The following LINGO2 variants were observed in gnomAD, a reference collection of about 807,000 sequenced individuals.
The protein encoded by LINGO2 is leucine rich repeat and Ig domain containing 2, also known as leucine-rich repeat and immunoglobulin-like domain-containing nogo receptor-interacting protein 2.
A neutral mutation model predicts 30.6 loss-of-function variants in LINGO2; 14 were observed. The ratio of observed to expected loss-of-function variants is 0.46; its 90% CI spans 0.30 to 0.72. The LOEUF (loss-of-function observed/expected upper bound fraction) is 0.72. LINGO2 is among the 30% of genes least tolerant of loss of function. The pLI, the probability that LINGO2 is intolerant of heterozygous loss-of-function variation, is 0.07. For missense variants in LINGO2, 729 were observed against 751.7 expected, an observed-to-expected ratio of 0.97 and a Z score of 0.35; for synonymous variants, 317 against 288.5, an observed-to-expected ratio of 1.10 and a Z score of -1.00.
chr9:28,825,364 T>C, the LINGO2 span, among the ~76,000 whole-genome samples: 6 of 151,604 alleles, frequency 4.0e-5, no homozygotes, highest in African/African-American at 1.5e-4. Flanking sequence ...AGAGTGGTAA[T>C]TGGAAGTCTG....
chr9:28,517,804 G>T (rs1820679856), intron 1 of LINGO2, among the ~76,000 whole-genome samples: 1 of 152,108 alleles, frequency 6.6e-6, no homozygotes. Flanking sequence ...ACTCTACCCA[G>T]AAGCCTATTT....
At chr9:28,869,128 A>G in the LINGO2 span, among the ~76,000 whole-genome samples, 2 of 152,094 alleles carry the variant, frequency 1.3e-5, no homozygotes, top group East Asian at 1.9e-4. Context: ...TTTGATAAAC[A>G]TCTAATTATC....
At chr9:28,349,224 CA>C (rs1290167176) in intron 3 of LINGO2, among the ~76,000 whole-genome samples, 1 of 151,428 alleles carries the variant, frequency 6.6e-6, no homozygotes, top group African/African-American at 2.4e-5. Flanking sequence ...ACATTCAAAC[CA>C]AAGGCAAAGA....
intron 2 of LINGO2, among the ~76,000 whole-genome samples, chr9:28,395,596 T>C (rs1298922794): frequency 6.6e-6 from 1 of 152,144 alleles, no homozygotes; most frequent in Non-Finnish European, 1.5e-5. Flanking sequence ...CATATACCCA[T>C]ATGGCAAGTT....
chr9:29,029,818 A>T, the LINGO2 span, among the ~76,000 whole-genome samples: 1 of 152,076 alleles, frequency 6.6e-6, no homozygotes, highest in Non-Finnish European at 1.5e-5. Flanking sequence ...TTCTCAAAGA[A>T]TATGCCATTT....
rs1823871268 is a variant in LINGO2 at position 28,035,177 on chromosome 9, T to C, written c.-86-22772A>G. Among the ~76,000 whole-genome samples the C allele has an allele frequency of 2.0e-5, 3 of 152,266 alleles. No homozygotes were observed. The South Asian group carries it at 6.2e-4, about 31-fold the overall frequency. ...TGGTACCATGGTCTGGAGTTGCTTT[T>C]ATTTTCCTAGCTTTTGTCAGCATAC... On this transcript the variant is annotated intron_variant, in intron 4 of 5. Transcript: ENST00000379992.
intron 4 of LINGO2, among the ~76,000 whole-genome samples, chr9:28,177,645 T>C (rs753287964): frequency 6.6e-6 from 1 of 152,124 alleles, no homozygotes; most frequent in Non-Finnish European, 1.5e-5. Context: ...ATTGTTATGA[T>C]TGCTATGGTG....
At chr9:28,961,141 G>T in the LINGO2 span, among the ~76,000 whole-genome samples, 2 of 152,092 alleles carry the variant, frequency 1.3e-5, no homozygotes, top group African/African-American at 4.8e-5. Flanking sequence ...TGGAATAATT[G>T]GAATAGGCAC....
the LINGO2 span, among the ~76,000 whole-genome samples, chr9:29,067,097 C>CT: frequency 1.3e-5 from 2 of 151,716 alleles, no homozygotes; most frequent in East Asian, 3.9e-4. Context: ...TTGAGATATG[C>CT]TTTGTACAGA....
rs1308780026 is a variant in LINGO2 at position 28,343,064 on chromosome 9, A to ATT, written c.-246+29770_-246+29771dup. 2.6e-5 allele frequency among the ~76,000 whole-genome samples: 4 copies of ATT among 152,142 alleles called. No homozygotes were observed. In the East Asian group the frequency reaches 7.7e-4, roughly 29 times the overall value. ...CAAAACCCAGGGTTTCCATATGGTC[A>ATT]TTTTATAAAGCATATGACAATCACC... is the stretch of plus-strand genomic sequence containing the variant. On this transcript the variant is annotated intron_variant, in intron 3 of 5. Transcript: ENST00000379992.
At chr9:28,702,955 G>A in the LINGO2 span, among the ~76,000 whole-genome samples, 6 of 151,764 alleles carry the variant, frequency 4.0e-5, no homozygotes, top group African/African-American at 1.5e-4. Flanking sequence ...ACCTTTTGAT[G>A]TCTAAGGTAT....
chr9:28,392,355 T>G (rs967999049), intron 2 of LINGO2, among the ~76,000 whole-genome samples: 2 of 152,188 alleles, frequency 1.3e-5, no homozygotes, highest in African/African-American at 4.8e-5. Context: ...ACCCTGGCTT[T>G]GGAGTCGGGC....
chr9:28,357,316 C>CT (rs1491395875), intron 3 of LINGO2, among the ~76,000 whole-genome samples: 1 of 28,748 alleles, frequency 3.5e-5, no homozygotes, highest in Non-Finnish European at 6.3e-5. Context: ...AGAAATAAAG[C>CT]CCACCCCCCC....
At chr9:28,931,868 G>C in the LINGO2 span, among the ~76,000 whole-genome samples, 3 of 151,612 alleles carry the variant, frequency 2.0e-5, no homozygotes, top group East Asian at 5.9e-4. Flanking sequence ...CCAGCACTTT[G>C]GGAGGCTGAG....
chr9:28,834,788 T>C, the LINGO2 span, among the ~76,000 whole-genome samples: 1 of 152,194 alleles, frequency 6.6e-6, no homozygotes, highest in Non-Finnish European at 1.5e-5. Flanking sequence ...GAATTTTACA[T>C]TTATTTAATT....
At chr9:29,006,866 T>C in the LINGO2 span, among the ~76,000 whole-genome samples, 1 of 152,088 alleles carries the variant, frequency 6.6e-6, no homozygotes, top group African/African-American at 2.4e-5. Context: ...CCAAGGTCCT[T>C]TGATGCCTTA....
chr9:28,570,928 T>C (rs542341689), intron 1 of LINGO2, among the ~76,000 whole-genome samples: 8 of 151,764 alleles, frequency 5.3e-5, no homozygotes, highest in African/African-American at 1.2e-4. Flanking sequence ...CACTTTTAAA[T>C]TGTAACAACA....
At chr9:28,859,574 T>A in the LINGO2 span, among the ~76,000 whole-genome samples, 1 of 152,038 alleles carries the variant, frequency 6.6e-6, no homozygotes, top group Non-Finnish European at 1.5e-5. Flanking sequence ...TTTTGTCACT[T>A]CATTAATTTT....
At chr9:28,932,621 AAC>A in the LINGO2 span, among the ~76,000 whole-genome samples, 14 of 152,136 alleles carry the variant, frequency 9.2e-5, no homozygotes, top group Non-Finnish European at 1.5e-5. Context: ...TGGGTTGTCT[AAC>A]AAGTCCCTAA....
Sources: gnomAD v4.1 joint callset for allele counts (sites outside exome capture counted in the v4.1 genomes callset) on GRCh38, gnomAD v4.1.1 for gene constraint, MANE v1.5 for transcripts, NCBI Gene and HGNC (gene_info 2026-07-23, HGNC 2026-07-21) for gene names.